TRPS1: variants seen among roughly 807,000 people sequenced by gnomAD.
The protein encoded by TRPS1 is transcriptional repressor GATA binding 1, also known as zinc finger transcription factor Trps1.
In TRPS1, 6 loss-of-function variants were observed where a neutral mutation model predicts 101.2. The ratio of observed to expected loss-of-function variants is 0.06; its 90% confidence interval spans 0.03 to 0.12. The LOEUF is 0.12. Among genes scored for constraint, TRPS1 ranks in the 10% least tolerant of loss-of-function variants. TRPS1 has a pLI of 1.00. For missense variants in TRPS1, 1,363 were observed against 1,567.0 expected (o/e 0.87, Z 2.20); for synonymous variants, 578 against 589.8 (o/e 0.98, Z 0.29).
intron 5 of TRPS1, among the ~76,000 whole-genome samples, chr8:115,419,295 A>G (rs1812995674): frequency 6.6e-6 from 1 of 152,096 alleles, no homozygotes; most frequent in East Asian, 1.9e-4. Flanking sequence ...TGATTCCATT[A>G]AACTTCTCAC....
At chr8:115,613,429 G>C (rs1432737242) in intron 3 of TRPS1, among the ~76,000 whole-genome samples, 5 of 152,134 alleles carry the variant, frequency 3.3e-5, no homozygotes, top group Non-Finnish European at 7.4e-5. Context: ...CTGCATCAAA[G>C]AGCTCTGATT....
rs1814141651 is a variant in TRPS1 at position 115,460,467 on chromosome 8, A to G, written c.2701-42015T>C. 2.6e-5 allele frequency among the ~76,000 whole-genome samples: 4 copies of G among 152,038 alleles called. No homozygotes were observed. In the South Asian group the frequency reaches 8.3e-4, roughly 31 times the overall value. On this transcript the variant is annotated intron_variant, in intron 5 of 6. Coordinates refer to ENST00000395715, the MANE Select transcript of TRPS1 (RefSeq NM_014112.5). Reference sequence around the variant, plus strand: ...GGTTTTTTTCCTATATAATCTTGGGATTTATAAAACCCCTGAATAATAGAT... The same window carrying G: ...GGTTTTTTTCCTATATAATCTTGGGGTTTATAAAACCCCTGAATAATAGAT...
chr8:115,533,233 A>T (rs2130272653), intron 5 of TRPS1, among the ~76,000 whole-genome samples: 1 of 152,196 alleles, frequency 6.6e-6, no homozygotes, highest in African/African-American at 2.4e-5. Context: ...TAGGTTGTTC[A>T]CCACACTCTT....
At chr8:115,433,154 C>T (rs992646778) in intron 5 of TRPS1, among the ~76,000 whole-genome samples, 4 of 151,872 alleles carry the variant, frequency 2.6e-5, no homozygotes, top group South Asian at 4.1e-4. Flanking sequence ...GGAAAGCAAT[C>T]GGGATCAGAA....
At chr8:115,462,640 TC>T (rs374518209) in intron 5 of TRPS1, among the ~76,000 whole-genome samples, 58,352 of 105,858 alleles carry the variant, frequency 0.55, 13,485 homozygotes, top group East Asian at 0.81. Context: ...TCTCTCTCTC[TC>T]TTTTTTTTTT....
At chr8:115,508,923 CTA>C (rs1409901443) in intron 5 of TRPS1, among the ~76,000 whole-genome samples, 1 of 151,856 alleles carries the variant, frequency 6.6e-6, no homozygotes, top group Non-Finnish European at 1.5e-5. Context: ...CATTTGGACT[CTA>C]TGTAAAGTTG....
At chr8:115,642,241 C>A (rs369533949) in intron 1 of TRPS1, among the ~76,000 whole-genome samples, 31,148 of 53,474 alleles carry the variant, frequency 0.58, 6,788 homozygotes, top group African/African-American at 0.69. Context: ...AGAAAAGAAA[C>A]CTGTGTGTAT....
chr8:115,515,784 T>C (rs1400797020), intron 5 of TRPS1, among the ~76,000 whole-genome samples: 1 of 151,496 alleles, frequency 6.6e-6, no homozygotes, highest in African/African-American at 2.4e-5. Context: ...ATGTAAAATA[T>C]TGACTGCTAA....
At chr8:115,491,249 A>C (rs1007234425) in intron 5 of TRPS1, among the ~76,000 whole-genome samples, 13 of 152,126 alleles carry the variant, frequency 8.5e-5, no homozygotes, top group Non-Finnish European at 1.8e-4. Context: ...TCAGAATATC[A>C]CAGGTAGCTG....
intron 5 of TRPS1, among the ~76,000 whole-genome samples, chr8:115,555,846 TACAA>T (rs569940055): frequency 7.4e-6 from 1 of 135,606 alleles, no homozygotes; most frequent in Admixed American, 8.0e-5. Flanking sequence ...CTACAAAAAA[TACAA>T]ACAAACAAAC....
intron 5 of TRPS1, among the ~76,000 whole-genome samples, chr8:115,523,314 T>A (rs1382911994): frequency 1.3e-5 from 2 of 152,100 alleles, no homozygotes; most frequent in South Asian, 4.1e-4. Context: ...GAAAAAATAG[T>A]GTTTGATCTC....
chr8:115,585,690 C>T (rs1454477374), intron 5 of TRPS1, among the ~76,000 whole-genome samples: 1 of 152,142 alleles, frequency 6.6e-6, no homozygotes, highest in East Asian at 1.9e-4. Flanking sequence ...ATTGAACCCC[C>T]TCTTGAAGGG....
chr8:115,422,424 T>C (rs1215179620), intron 5 of TRPS1, among the ~76,000 whole-genome samples: 1 of 151,854 alleles, frequency 6.6e-6, no homozygotes, highest in Non-Finnish European at 1.5e-5. Flanking sequence ...TGGAGGGCAG[T>C]GGCGCGATCT....
At chr8:115,636,672 G>A (rs1818773987) in intron 1 of TRPS1, among the ~76,000 whole-genome samples, 1 of 152,152 alleles carries the variant, frequency 6.6e-6, no homozygotes, top group South Asian at 2.1e-4. Flanking sequence ...CCAACACTTT[G>A]GGAGCCTGAG....
intron 1 of TRPS1, among the ~76,000 whole-genome samples, chr8:115,638,234 C>T (rs1325099737): frequency 6.6e-6 from 1 of 152,082 alleles, no homozygotes; most frequent in Non-Finnish European, 1.5e-5. Context: ...ACCAAAACTC[C>T]CCGGTAATCA....
At chr8:115,519,126 T>C (rs1815794318) in intron 5 of TRPS1, among the ~76,000 whole-genome samples, 1 of 151,704 alleles carries the variant, frequency 6.6e-6, no homozygotes. Flanking sequence ...TACTTTTTCG[T>C]TTTTCTTATT....
chr8:115,478,653 A>C (rs2130051594), intron 5 of TRPS1, among the ~76,000 whole-genome samples: 1 of 151,922 alleles, frequency 6.6e-6, no homozygotes, highest in South Asian at 2.1e-4. Context: ...AAAATACAAA[A>C]ATTAGCCAGG....
At chr8:115,648,444 G>T (rs1350862931) in intron 1 of TRPS1, among the ~76,000 whole-genome samples, 1 of 152,170 alleles carries the variant, frequency 6.6e-6, no homozygotes, top group Non-Finnish European at 1.5e-5. Context: ...CCGCAGGCCC[G>T]GGGCTCCTGC....
chr8:115,463,516 C>G (rs1016870415), intron 5 of TRPS1, among the ~76,000 whole-genome samples: 1 of 151,998 alleles, frequency 6.6e-6, no homozygotes, highest in African/African-American at 2.4e-5. Context: ...ATTTGGGGAC[C>G]TCATGGAGTG....
Sources: gnomAD v4.1 joint callset for allele counts (sites outside exome capture counted in the v4.1 genomes callset) on GRCh38, gnomAD v4.1.1 for gene constraint, MANE v1.5 for transcripts, NCBI Gene and HGNC (gene_info 2026-07-23, HGNC 2026-07-21) for gene names.